The following SRPK2 variants were observed in gnomAD, a reference collection of about 807,000 sequenced individuals.
SRPK2 encodes the protein SFRS protein kinase 2.
In SRPK2, 21 loss-of-function variants were observed where a neutral mutation model predicts 90.8. The ratio of observed to expected loss-of-function variants is 0.23; its 90% confidence interval spans 0.16 to 0.33. The LOEUF is 0.33. SRPK2 is among the 10% of genes least tolerant of loss of function. SRPK2 has a pLI of 1.00. For synonymous variants in SRPK2, 288 were observed against 311.1 expected, an observed-to-expected ratio of 0.93 and a Z score of 0.78; for missense variants, 620 against 869.0, an observed-to-expected ratio of 0.71 and a Z score of 3.60.
rs1554509976 is a variant in SRPK2, at chr7:105,324,010, T to TGTGGGTGG, written c.71+64637_71+64638insCCACCCAC. Among the ~76,000 whole-genome samples, 19 of 148,974 alleles carry TGTGGGTGG rather than the reference T, an allele frequency of 1.3e-4. No homozygotes were observed. In the East Asian group the frequency reaches 3.4e-3, roughly 26 times the overall value. Reference sequence around the variant, plus strand: ...GTGTGTGTGTGTGTGTGTGTGTGTGTGTGTGTGGTGGAGTCTCACATTGTC... The same window carrying TGTGGGTGG: ...GTGTGTGTGTGTGTGTGTGTGTGTGTGTGGGTGGGTGTGTGGTGGAGTCTCACATTGTC... On this transcript the variant is annotated intron_variant, in intron 2 of 15. Coordinates refer to ENST00000393651, the MANE Select transcript of SRPK2 (RefSeq NM_182692.3).
chr7:105,383,858 CCAGA>C (rs1050572557), intron 2 of SRPK2, among the ~76,000 whole-genome samples: 4 of 152,082 alleles, frequency 2.6e-5, no homozygotes, highest in Non-Finnish European at 5.9e-5. Flanking sequence ...TCTAAGGAAA[CCAGA>C]CAAAGCCACA....
rs79123544 is a variant in SRPK2, at chr7:105,373,289, C to T, written c.71+15359G>A. 6.5e-3 allele frequency among the ~76,000 whole-genome samples: 992 copies of T among 151,828 alleles called. 35 individuals are homozygous for T. Among genetic ancestry groups the T allele is most frequent in the Admixed American group, 0.044 (676 of 15,236 alleles). ...CTGAAGGCCATCAACGATAAACAAA[C>T]GTAATAAATTTTTCTCAAATCTCAT... is the stretch of plus-strand genomic sequence containing the variant. On this transcript the variant is annotated intron_variant, in intron 2 of 15. Transcript: ENST00000393651.
At chr7:105,151,965 A>C (rs1169471565) in intron 7 of SRPK2, among the ~76,000 whole-genome samples, 1 of 150,308 alleles carries the variant, frequency 6.7e-6, no homozygotes, top group African/African-American at 2.4e-5. Context: ...CGGTGGTTGC[A>C]GTGAGCTGAG....
downstream of SRPK2, chr7:105,116,295 G>C (rs768767472): frequency 1.3e-5 from 2 of 151,934 alleles, no homozygotes; most frequent in Non-Finnish European, 2.9e-5. Context: ...AGGAATGCTG[G>C]TATTTAGTTT....
chr7:105,190,178 G>A (rs1382032827), intron 3 of SRPK2, among the ~76,000 whole-genome samples: 1 of 152,214 alleles, frequency 6.6e-6, no homozygotes, highest in Non-Finnish European at 1.5e-5. Context: ...AGATCCAAAA[G>A]GGCAGATTAT....
Position 105,268,663 on chromosome 7 carries a change from A to G in SRPK2, c.72-64878T>C, listed in dbSNP as rs534944616. On this transcript the variant is annotated intron_variant, in intron 2 of 15. Coordinates refer to ENST00000393651, the MANE Select transcript of SRPK2 (RefSeq NM_182692.3). ...TTGCAAAAGCAGAACAGCTTGCCCC[A>G]ATACACATCTTCAATACAGCACAAT... 3.1e-4 allele frequency: 282 copies of G among 897,844 alleles called. 1 individual carries two copies. In the Admixed American group the frequency reaches 3.3e-3, roughly 11 times the overall value. 55.6% of individuals were successfully genotyped at this position (897,844 alleles called of 1,614,324 possible). A position where few individuals can be genotyped will look rare whatever the true frequency, so the allele number is the denominator to read the frequency against.
At chr7:105,212,991 T>C (rs1797044958) in intron 2 of SRPK2, among the ~76,000 whole-genome samples, 1 of 152,182 alleles carries the variant, frequency 6.6e-6, no homozygotes. Flanking sequence ...TAGACATAAC[T>C]GAAAGTATAT....
At chr7:105,114,748 C>T (rs1049649895), downstream of SRPK2, among the ~76,000 whole-genome samples, 3 of 152,142 alleles carry the variant, frequency 2.0e-5, no homozygotes, top group African/African-American at 7.2e-5. Context: ...CATGTTTTTA[C>T]ACTTTGAACC....
At chr7:105,247,670 A>T (rs1006542779) in intron 2 of SRPK2, among the ~76,000 whole-genome samples, 16 of 152,030 alleles carry the variant, frequency 1.1e-4, no homozygotes, top group Admixed American at 5.9e-4. Flanking sequence ...TAAAAAGAAG[A>T]AGTTTAATTC....
chr7:105,386,515 A>T (rs1821626370), intron 2 of SRPK2, among the ~76,000 whole-genome samples: 2 of 151,998 alleles, frequency 1.3e-5, no homozygotes, highest in African/African-American at 4.8e-5. Flanking sequence ...GGAGTTGTAG[A>T]CCAGCCCGGC....
At chr7:105,311,987 G>A (rs1363470798) in intron 2 of SRPK2, among the ~76,000 whole-genome samples, 1 of 152,102 alleles carries the variant, frequency 6.6e-6, no homozygotes, top group Admixed American at 6.6e-5. Context: ...ACAAATTGTG[G>A]TACATATATA....
intron 2 of SRPK2, among the ~76,000 whole-genome samples, chr7:105,210,292 T>C (rs1009459229): frequency 1.3e-5 from 2 of 152,222 alleles, no homozygotes; most frequent in African/African-American, 4.8e-5. Context: ...CTTCAGTTAG[T>C]ATTTGAGGGA....
chr7:105,224,626 T>TAAC (rs1798498434), intron 2 of SRPK2, among the ~76,000 whole-genome samples: 1 of 152,040 alleles, frequency 6.6e-6, no homozygotes, highest in Non-Finnish European at 1.5e-5. Flanking sequence ...ATAATAATAA[T>TAAC]AACTTTAAGA....
intron 2 of SRPK2, among the ~76,000 whole-genome samples, chr7:105,344,072 C>T (rs1001483312): frequency 6.6e-6 from 1 of 151,960 alleles, no homozygotes; most frequent in African/African-American, 2.4e-5. Flanking sequence ...CCTACAATGT[C>T]ATATCATTCT....
At chr7:105,308,164 T>G (rs1446585205) in intron 2 of SRPK2, among the ~76,000 whole-genome samples, 1 of 152,204 alleles carries the variant, frequency 6.6e-6, no homozygotes, top group Non-Finnish European at 1.5e-5. Context: ...TACATTGTTT[T>G]CATGGAAAAG....
intron 3 of SRPK2, among the ~76,000 whole-genome samples, chr7:105,170,890 A>AG (rs1790871639): frequency 5.5e-5 from 6 of 109,382 alleles, no homozygotes; most frequent in Non-Finnish European, 8.1e-5. Context: ...AAAGAAAGAA[A>AG]GAAAGAAAGA....
chr7:105,365,924 G>A (rs111580315), intron 2 of SRPK2, among the ~76,000 whole-genome samples: 30 of 151,506 alleles, frequency 2.0e-4, no homozygotes, highest in African/African-American at 5.3e-4. Context: ...GCGCGATCTC[G>A]GCTCACTGCA....
At chr7:105,192,747 G>A (rs1226516970) in intron 3 of SRPK2, among the ~76,000 whole-genome samples, 1 of 152,164 alleles carries the variant, frequency 6.6e-6, no homozygotes, top group African/African-American at 2.4e-5. Context: ...ATTCTTGCAG[G>A]AGTAAAGTGG....
Position 105,306,854 on chromosome 7 carries a change from TG to T in SRPK2, c.71+81793del, listed in dbSNP as rs1811204821. Among the ~76,000 whole-genome samples, 6 of 152,156 alleles carry T rather than the reference TG, an allele frequency of 3.9e-5. No homozygotes were observed. The South Asian group carries it at 1.2e-3, about 32-fold the overall frequency. On this transcript the variant is annotated intron_variant, in intron 2 of 15. Transcript: ENST00000393651. ...ACAAAGGAGGAGACATGGCTAAATATGGGGGAAAAATGTTTAAACACAAACT... is the reference window on the plus strand; with the variant it reads ...ACAAAGGAGGAGACATGGCTAAATATGGGGAAAAATGTTTAAACACAAACT...
Sources: allele counts gnomAD v4.1 joint callset (sites outside exome capture counted in the v4.1 genomes callset), GRCh38; gene constraint gnomAD v4.1.1; transcripts MANE v1.5; gene names NCBI Gene and HGNC (gene_info 2026-07-23, HGNC 2026-07-21).